Variants in GAS2 observed in about 807,000 individuals in gnomAD.
The protein encoded by GAS2 is growth arrest specific 2.
A neutral mutation model predicts 37.5 loss-of-function variants in GAS2; 20 were observed. The ratio of observed to expected loss-of-function variants is 0.53; its 90% CI spans 0.37 to 0.77. The LOEUF (loss-of-function observed/expected upper bound fraction) is 0.77, where lower values mean the gene tolerates loss of function less well. Among genes scored for constraint, GAS2 ranks in the 30% least tolerant of loss-of-function variants. The pLI is 0.00. For missense variants in GAS2, 336 were observed against 373.4 expected (o/e 0.90, Z 0.82); for synonymous variants, 144 against 132.2 (o/e 1.09, Z -0.61).
intron 1 of GAS2, chr11:22,668,252 T>A (rs1467255670): frequency 1.3e-5 from 2 of 152,472 alleles, no homozygotes; most frequent in African/African-American, 4.8e-5. Context: ...TCTCAAGGAA[T>A]GCTTTCCTCT....
chr11:22,693,385 A>G (rs1850347502), intron 3 of GAS2, among the ~76,000 whole-genome samples: 1 of 152,204 alleles, frequency 6.6e-6, no homozygotes, highest in African/African-American at 2.4e-5. Flanking sequence ...TAAATATGTT[A>G]CTTCATTGTA....
intron 7 of GAS2, among the ~76,000 whole-genome samples, chr11:22,778,767 G>T (rs1015367456): frequency 4.6e-5 from 7 of 152,282 alleles, no homozygotes; most frequent in Non-Finnish European, 1.0e-4. Flanking sequence ...ATTTAATCCT[G>T]TTAATAGGCT....
At chr11:22,661,072 T>C (rs1466213091) in intron 1 of GAS2, among the ~76,000 whole-genome samples, 1 of 152,200 alleles carries the variant, frequency 6.6e-6, no homozygotes, top group Non-Finnish European at 1.5e-5. Context: ...AATTTGAAAT[T>C]ATTAGTGTAC....
chr11:22,739,758 C>G (rs1005806077), intron 5 of GAS2, among the ~76,000 whole-genome samples: 20 of 151,874 alleles, frequency 1.3e-4, no homozygotes, highest in South Asian at 2.1e-4. Flanking sequence ...AGTTGACTAT[C>G]ACATTAGAAT....
At chr11:22,646,736 T>C (rs183910393) in intron 1 of GAS2, among the ~76,000 whole-genome samples, 2 of 152,172 alleles carry the variant, frequency 1.3e-5, no homozygotes, top group African/African-American at 4.8e-5. Context: ...AAAAACCTAC[T>C]TCATACACCA....
At chr11:22,692,491 G>A (rs114619984) in intron 3 of GAS2, among the ~76,000 whole-genome samples, 1 of 152,132 alleles carries the variant, frequency 6.6e-6, no homozygotes, top group Non-Finnish European at 1.5e-5. Context: ...GGTCTGGAAA[G>A]GCAGGACAAC....
chr11:22,709,929 G>T (rs972352831), intron 3 of GAS2, among the ~76,000 whole-genome samples: 1 of 149,326 alleles, frequency 6.7e-6, no homozygotes, highest in Non-Finnish European at 1.5e-5. Context: ...ACCAAACACC[G>T]CATGTTCTCA....
At chr11:22,665,078 C>T (rs1848962091), upstream of GAS2, among the ~76,000 whole-genome samples, 1 of 151,950 alleles carries the variant, frequency 6.6e-6, no homozygotes, top group South Asian at 2.1e-4. Flanking sequence ...CCCAATTCCT[C>T]TGTAAGCCTC....
At position 22,781,312 on chromosome 11, in the gene GAS2, G is replaced by T. The variant is rs577998223; in HGVS notation, c.723+25359G>T. Among the ~76,000 whole-genome samples the T allele has an allele frequency of 5.3e-5, 8 of 152,286 alleles. 1 individual carries two copies. Among genetic ancestry groups the T allele is most frequent in the Admixed American group, 5.2e-4 (8 of 15,306 alleles). ...AGAAGGCCCTTCAGAACTAGGCCAC[G>T]TGGAGAGTTAGATTAAATGAAACTC... On this transcript the variant is annotated intron_variant, in intron 7 of 7. Coordinates refer to ENST00000454584, the MANE Select transcript of GAS2 (RefSeq NM_001143830.3).
intron 3 of GAS2, among the ~76,000 whole-genome samples, chr11:22,704,452 C>A (rs990734879): frequency 1.3e-5 from 2 of 150,918 alleles, no homozygotes; most frequent in East Asian, 1.9e-4. Flanking sequence ...CCCAGTGTTT[C>A]CAGATACCAG....
chr11:22,647,537 C>T (rs1406116849), intron 1 of GAS2, among the ~76,000 whole-genome samples: 1 of 152,286 alleles, frequency 6.6e-6, no homozygotes, highest in Admixed American at 6.5e-5. Flanking sequence ...ACAGTCCCAC[C>T]AACAGTGTAA....
At chr11:22,657,591 G>A (rs1848870703) in intron 1 of GAS2, among the ~76,000 whole-genome samples, 1 of 151,962 alleles carries the variant, frequency 6.6e-6, no homozygotes. Flanking sequence ...AAAAAGAGCT[G>A]AATAAACTCT....
chr11:22,650,254 C>G (rs1848757286), intron 1 of GAS2, among the ~76,000 whole-genome samples: 2 of 150,024 alleles, frequency 1.3e-5, no homozygotes, highest in Admixed American at 1.3e-4. Context: ...ATCCTGAGTT[C>G]TAGTTTGATT....
chr11:22,674,051 G>A (rs1565077193), intron 1 of GAS2, among the ~76,000 whole-genome samples: 1 of 152,152 alleles, frequency 6.6e-6, no homozygotes, highest in Non-Finnish European at 1.5e-5. Flanking sequence ...ATGATGCAGT[G>A]CTTGGGTTAT....
chr11:22,755,750 G>A (rs1853994264), intron 6 of GAS2, 96 bp from the exon 7 acceptor site: 1 of 739,930 alleles, frequency 1.4e-6, no homozygotes, highest in Non-Finnish European at 2.3e-6. Context: ...CAAGTTTAAA[G>A]TCATTAAGGG....
At chr11:22,652,785 C>T (rs1277693292) in intron 1 of GAS2, among the ~76,000 whole-genome samples, 3 of 152,226 alleles carry the variant, frequency 2.0e-5, no homozygotes, top group Middle Eastern at 3.2e-3. Context: ...TCGGCTCGCA[C>T]ACGGTGCGCG....
intron 3 of GAS2, 93 bp from the exon 4 acceptor site, chr11:22,726,199 A>C (rs337448): frequency 0.97 from 1,236,168 of 1,268,670 alleles, 606,215 homozygotes; most frequent in East Asian, 1. Context: ...GGCATGAGGT[A>C]ATTCCGAAGC....
chr11:22,699,867 C>A (rs113709278), intron 3 of GAS2, among the ~76,000 whole-genome samples: 1 of 152,100 alleles, frequency 6.6e-6, no homozygotes, highest in Non-Finnish European at 1.5e-5. Context: ...CAAGAAAGAG[C>A]CTGATGGACA....
intron 4 of GAS2, among the ~76,000 whole-genome samples, chr11:22,733,802 G>A (rs148344859): frequency 2.8e-4 from 42 of 151,688 alleles, no homozygotes; most frequent in Non-Finnish European, 5.5e-4. Flanking sequence ...AAAAGAAGCC[G>A]CCAATGATAA....
Sources: allele counts gnomAD v4.1 joint callset (sites outside exome capture counted in the v4.1 genomes callset), GRCh38; gene constraint gnomAD v4.1.1; transcripts MANE v1.5; gene names NCBI Gene and HGNC (gene_info 2026-07-23, HGNC 2026-07-21).